The following ABR variants were observed in gnomAD, a reference collection of about 807,000 sequenced individuals.
The protein encoded by ABR is active breakpoint cluster region-related protein.
A neutral mutation model predicts 107.2 loss-of-function variants in ABR; 35 were observed. The observed-to-expected ratio is 0.33, with a 90% CI of 0.25 to 0.43. The LOEUF is 0.43. ABR is among the 20% of genes least tolerant of loss of function. The pLI is 1.00. For missense variants in ABR, 815 were observed against 1,115.2 expected, an observed-to-expected ratio of 0.73 and a Z score of 3.83; for synonymous variants, 498 against 462.0, an observed-to-expected ratio of 1.08 and a Z score of -1.00.
At position 1,216,751 on chromosome 17, in the gene ABR, A is replaced by G. The variant is rs77262318; in HGVS notation, c.838+12042T>C. On this transcript the variant is annotated intron_variant, in intron 1 of 22. Coordinates refer to the ABR transcript ENST00000574139. ...TCTGCCTGTCTAAAGACCCTGGGGA[A>G]CTCTGGGTCTGGTGGCCAAAGGGGA... Among the ~76,000 whole-genome samples, 970 of 152,216 alleles carry G rather than the reference A, an allele frequency of 6.4e-3. 49 individuals are homozygous for G. The East Asian group carries it at 0.13, about 20-fold the overall frequency.
At chr17:1,165,768 G>A (rs2041478104) in intron 1 of ABR, among the ~76,000 whole-genome samples, 7 of 152,070 alleles carry the variant, frequency 4.6e-5, no homozygotes, top group Admixed American at 4.6e-4. Flanking sequence ...CATGACCTCA[G>A]GTGATCCTCC....
intron 1 of ABR, among the ~76,000 whole-genome samples, chr17:1,158,542 C>T (rs1478516024): frequency 6.6e-6 from 1 of 151,882 alleles, no homozygotes; most frequent in Non-Finnish European, 1.5e-5. Context: ...ACAGGCAGAT[C>T]GCCTGAGGTC....
intron 21 of ABR, among the ~76,000 whole-genome samples, chr17:1,009,267 ACC>A (rs1228446500): frequency 5.0e-5 from 3 of 59,560 alleles, no homozygotes; most frequent in African/African-American, 2.1e-4. Flanking sequence ...ACTGCTGTCC[ACC>A]CCCCACTGCT....
rs2042717561 is a variant in ABR, at chr17:1,203,423, GGGGCCCGCGGGGA to G, written c.838+25357_838+25369del. ...CGCGGGGGGCGGAGTCTGCGGGGGC[GGGGCCCGCGGGGA>G]CGGAGTCTGCGGGGGCGGGGCCCGC... On this transcript the variant is annotated intron_variant, in intron 1 of 22. Transcript: ENST00000574139. 1.5e-4 allele frequency among the ~76,000 whole-genome samples: 13 copies of G among 87,714 alleles called. 3 individuals are homozygous for G. The highest frequency in any genetic ancestry group is 7.8e-4 in the Admixed American group (7 of 9,012). The allele number at this position is 87,714 out of a possible 152,430, so 57.5% of individuals were successfully genotyped here. A position where few individuals can be genotyped will look rare whatever the true frequency, so the allele number is the denominator to read the frequency against.
intron 1 of ABR, among the ~76,000 whole-genome samples, chr17:1,205,440 G>A (rs1385029976): frequency 1.3e-5 from 2 of 152,188 alleles, no homozygotes; most frequent in African/African-American, 4.8e-5. Context: ...GGAGAGAGGA[G>A]TGGGGTCGGG....
intron 4 of ABR, among the ~76,000 whole-genome samples, chr17:1,089,685 C>G (rs906152712): frequency 6.6e-6 from 1 of 152,206 alleles, no homozygotes; most frequent in East Asian, 1.9e-4. Flanking sequence ...GCAGGCCGGG[C>G]GCGGTGGCTC....
In ABR at chr17:1,037,252, C is replaced by T. The variant is rs1425175891; in HGVS notation, c.1791+12798G>A. Among the ~76,000 whole-genome samples, 1 of 152,226 alleles carries T rather than the reference C, an allele frequency of 6.6e-6. No homozygotes were observed. The highest frequency in any genetic ancestry group is 1.5e-5 in the Non-Finnish European group (1 of 68,044). On this transcript the variant is annotated intron_variant, in intron 16 of 22. Coordinates refer to ENST00000302538, the MANE Select transcript of ABR (RefSeq NM_021962.5). This position sits in a 1 kb window ranked among gnomAD's most constrained non-coding sequence, Gnocchi z 4.6. ...CCAGACCTAGGCCTGCCCAAGGTAA[C>T]CTGCTGTCCTCCCAACTCCCCAAAG...
At chr17:1,183,771 G>A (rs1332573787), upstream of ABR, among the ~76,000 whole-genome samples, 2 of 152,166 alleles carry the variant, frequency 1.3e-5, no homozygotes, top group Admixed American at 6.5e-5. Context: ...GCCAGGCAGG[G>A]AGCCCCGGTG....
rs188282117 is a variant in ABR at position 1,054,154 on chromosome 17, C to T, written c.1561+1881G>A. Among the ~76,000 whole-genome samples the T allele has an allele frequency of 2.4e-3, 365 of 152,340 alleles. 4 individuals carry two copies. The highest frequency in any genetic ancestry group is 8.5e-3 in the African/African-American group (355 of 41,572). The stretch of plus-strand genomic sequence containing the variant: ...TCGTGTGTAAAACAGGGATGGTTTC[C>T]GTGACCTCGGCGGGATGCCGGAGGC... On this transcript the variant is annotated intron_variant, in intron 14 of 22. Coordinates refer to ENST00000302538, the MANE Select transcript of ABR (RefSeq NM_021962.5).
At chr17:1,072,562 G>A in intron 8 of ABR, 52 bp downstream of exon 8, 1 of 1,544,966 alleles carries the variant, frequency 6.5e-7, no homozygotes, top group Non-Finnish European at 8.7e-7. Context: ...GGGGACGAGG[G>A]ACCTGATACT....
At chr17:1,152,720 C>G (rs766965220) in intron 1 of ABR, among the ~76,000 whole-genome samples, 2 of 152,142 alleles carry the variant, frequency 1.3e-5, no homozygotes, top group Admixed American at 1.3e-4. Context: ...GAGATCTGAA[C>G]CCAGGCATTG....
intron 1 of ABR, among the ~76,000 whole-genome samples, chr17:1,146,260 G>GACACACACACACACACACAC (rs60058475): frequency 4.3e-5 from 6 of 140,106 alleles, no homozygotes; most frequent in Admixed American, 3.6e-4. Flanking sequence ...GGCACATGGA[G>GACACACACACACACACACAC]ACACACACAC....
chr17:1,172,148 G>A (rs577584866), intron 1 of ABR, among the ~76,000 whole-genome samples: 3 of 152,196 alleles, frequency 2.0e-5, no homozygotes, highest in African/African-American at 7.2e-5. Flanking sequence ...TGGGCGAGAG[G>A]CCCCAGTCAG....
At chr17:1,202,617 T>C (rs2042691393) in intron 1 of ABR, among the ~76,000 whole-genome samples, 1 of 152,084 alleles carries the variant, frequency 6.6e-6, no homozygotes, top group South Asian at 2.1e-4. Flanking sequence ...TCTTCACATA[T>C]GAGCTGGCAG....
chr17:1,214,949 G>A (rs1412675209), intron 1 of ABR, among the ~76,000 whole-genome samples: 3 of 152,104 alleles, frequency 2.0e-5, no homozygotes, highest in Non-Finnish European at 4.4e-5. Context: ...ACCAGGTGGG[G>A]TGGCTCACGC....
At chr17:1,135,377 C>CTTTTTTTTTTTTTTTTTTTTTTTTTTTTT (rs71148437) in intron 1 of ABR, among the ~76,000 whole-genome samples, 1 of 51,382 alleles carries the variant, frequency 1.9e-5, no homozygotes. Flanking sequence ...TTCTTTTTGT[C>CTTTTTTTTTTTTTTTTTTTTTTTTTTTTT]TTTTTTTTTT....
intron 14 of ABR, among the ~76,000 whole-genome samples, chr17:1,052,322 C>A (rs2032662733): frequency 6.6e-6 from 1 of 151,294 alleles, no homozygotes; most frequent in Non-Finnish European, 1.5e-5. Flanking sequence ...CGGTGTGAGC[C>A]CCTCCTCGAG....
At chr17:1,009,997 G>A in intron 20 of ABR, 1 of 599,988 alleles carries the variant, frequency 1.7e-6, no homozygotes, top group Non-Finnish European at 3.0e-6. Flanking sequence ...CAGCCAGGAG[G>A]CCGGCTGGTG....
chr17:1,141,932 AT>A (rs1161202888), intron 1 of ABR, among the ~76,000 whole-genome samples: 1 of 151,810 alleles, frequency 6.6e-6, no homozygotes, highest in Non-Finnish European at 1.5e-5. Flanking sequence ...ATAATTTTGT[AT>A]TTTTAGTAGA....
Sources: gnomAD v4.1 joint callset for allele counts (sites outside exome capture counted in the v4.1 genomes callset) on GRCh38, gnomAD v4.1.1 for gene constraint, Gnocchi (gnomAD v3.1) non-coding constraint, MANE v1.5 for transcripts, NCBI Gene and HGNC (gene_info 2026-07-23, HGNC 2026-07-21) for gene names.